PTGER3: variants seen among roughly 807,000 people sequenced by gnomAD.
PTGER3 encodes prostaglandin E2 receptor EP3 subtype.
A neutral mutation model predicts 34.7 loss-of-function variants in PTGER3; 22 were observed. The ratio of observed to expected loss-of-function variants is 0.63; its 90% CI spans 0.45 to 0.91. The LOEUF (loss-of-function observed/expected upper bound fraction) is 0.91. PTGER3 is among the 40% of genes least tolerant of loss of function. The pLI is 0.00. For synonymous variants in PTGER3, 241 were observed against 230.1 expected, an observed-to-expected ratio of 1.05 and a Z score of -0.43; for missense variants, 468 against 519.4, an observed-to-expected ratio of 0.90 and a Z score of 0.96.
At chr1:70,974,575 G>A (rs1279115110) in intron 2 of PTGER3, among the ~76,000 whole-genome samples, 187 bp from the exon 3 acceptor site, 2 of 152,038 alleles carry the variant, frequency 1.3e-5, no homozygotes, top group South Asian at 2.1e-4. Flanking sequence ...CTACACTTAC[G>A]CATCAAATAC....
At chr1:70,868,080 A>G (rs1335291073) in intron 4 of PTGER3, among the ~76,000 whole-genome samples, 2 of 152,160 alleles carry the variant, frequency 1.3e-5, no homozygotes, top group Non-Finnish European at 2.9e-5. Context: ...TATACCTTAG[A>G]TATACCATGC....
At chr1:70,913,047 T>A (rs1647094966) in intron 4 of PTGER3, among the ~76,000 whole-genome samples, 1 of 152,008 alleles carries the variant, frequency 6.6e-6, no homozygotes, top group Admixed American at 6.6e-5. Flanking sequence ...GGGATTTTGT[T>A]TTAAATTGCC....
At position 71,006,897 on chromosome 1, in the gene PTGER3, G is replaced by T. The variant is rs553531466; in HGVS notation, c.1077+5408C>A. The stretch of plus-strand genomic sequence containing the variant: ...AACTTTATTTTCCATTGACAAACAC[G>T]ACATAAATAACACACATTTATTAAA... On this transcript the variant is annotated intron_variant, in intron 2 of 3. Transcript: ENST00000306666. The T allele has an allele frequency of 1.1e-5, 11 of 985,166 alleles. No homozygotes were observed. The African/African-American group carries it at 1.4e-4, about 13-fold the overall frequency. The allele number at this position is 985,166 out of a possible 1,614,324, so 61.0% of individuals were successfully genotyped here. A position where few individuals can be genotyped will look rare whatever the true frequency, so the allele number is the denominator to read the frequency against.
At chr1:70,993,555 T>A (rs1655660238) in intron 2 of PTGER3, among the ~76,000 whole-genome samples, 1 of 152,088 alleles carries the variant, frequency 6.6e-6, no homozygotes, top group Non-Finnish European at 1.5e-5. Context: ...GAGGTGTAGG[T>A]GAAGAGGGTT....
intron 4 of PTGER3, among the ~76,000 whole-genome samples, chr1:70,936,081 T>G (rs1572695876): frequency 6.6e-6 from 1 of 152,150 alleles, no homozygotes; most frequent in East Asian, 1.9e-4. Flanking sequence ...AAAATTCATG[T>G]GAAATAATAC....
chr1:70,864,021 T>C (rs1645987389), intron 4 of PTGER3, among the ~76,000 whole-genome samples: 1 of 152,116 alleles, frequency 6.6e-6, no homozygotes, highest in South Asian at 2.1e-4. Context: ...GGGACGATCA[T>C]TCTTTACAGA....
intron 1 of PTGER3, among the ~76,000 whole-genome samples, chr1:71,039,825 G>A (rs1660149209): frequency 1.3e-5 from 2 of 152,104 alleles, no homozygotes; most frequent in South Asian, 2.1e-4. Context: ...CTAGGAGAAA[G>A]GTCTATCTCA....
intron 4 of PTGER3, among the ~76,000 whole-genome samples, chr1:70,919,587 A>G (rs1647331659): frequency 6.6e-6 from 1 of 152,182 alleles, no homozygotes; most frequent in Admixed American, 6.6e-5. Context: ...GGTAGCAAAC[A>G]TTGTGATGAT....
chr1:70,879,502 C>T (rs1476805230), intron 4 of PTGER3, among the ~76,000 whole-genome samples: 1 of 152,296 alleles, frequency 6.6e-6, no homozygotes, highest in Admixed American at 6.5e-5. Flanking sequence ...CCCACCTTGG[C>T]CTCCTAAAGT....
chr1:70,995,432 ACT>A lies in PTGER3; in HGVS notation c.1077+16871_1077+16872del, dbSNP rs1232885884. Among the ~76,000 whole-genome samples the A allele has an allele frequency of 2.6e-5, 4 of 152,262 alleles. No homozygotes were observed. The East Asian group carries it at 7.7e-4, about 29-fold the overall frequency. ...GCTCTTGAAATAGATAGTCTAGGAC[ACT>A]CTACTATCTCCACTATTCAAATGAG... On this transcript the variant is annotated intron_variant, in intron 2 of 3. Transcript: ENST00000306666.
chr1:70,895,627 G>A (rs781772981), intron 4 of PTGER3, among the ~76,000 whole-genome samples: 10 of 152,180 alleles, frequency 6.6e-5, no homozygotes, highest in Non-Finnish European at 1.3e-4. Flanking sequence ...TCCCTGATGT[G>A]AGATTTCACA....
chr1:70,993,393 G>T (rs1273703746), intron 2 of PTGER3, among the ~76,000 whole-genome samples: 1 of 152,196 alleles, frequency 6.6e-6, no homozygotes, highest in Non-Finnish European at 1.5e-5. Context: ...CACCCTAAAA[G>T]CTAGAGGAAT....
intron 1 of PTGER3, among the ~76,000 whole-genome samples, chr1:71,044,107 C>T (rs377554864): frequency 2.0e-5 from 3 of 150,952 alleles, no homozygotes; most frequent in Non-Finnish European, 3.0e-5. Context: ...TGAGCCACTG[C>T]GCCCAGCCGA....
intron 2 of PTGER3, among the ~76,000 whole-genome samples, chr1:70,980,278 G>T (rs1323112323): frequency 6.6e-6 from 1 of 152,108 alleles, no homozygotes; most frequent in Non-Finnish European, 1.5e-5. Context: ...GACATAGTTT[G>T]GGGGGATTGA....
At chr1:70,868,912 A>G (rs1200617370) in intron 4 of PTGER3, among the ~76,000 whole-genome samples, 1 of 152,136 alleles carries the variant, frequency 6.6e-6, no homozygotes, top group Non-Finnish European at 1.5e-5. Flanking sequence ...ACAAGAATGA[A>G]TGGGCCCAGC....
chr1:70,918,352 A>G (rs1480781512), intron 4 of PTGER3, among the ~76,000 whole-genome samples: 7 of 152,034 alleles, frequency 4.6e-5, no homozygotes, highest in African/African-American at 9.7e-5. Context: ...AATTTTTTTG[A>G]ATAAGATCTA....
chr1:70,973,746 C>T (rs1653387875), intron 3 of PTGER3, among the ~76,000 whole-genome samples: 2 of 152,048 alleles, frequency 1.3e-5, no homozygotes, highest in African/African-American at 2.4e-5. Flanking sequence ...ATTCAATTAG[C>T]CATTAATAGA....
At position 70,886,408 on chromosome 1, in the gene PTGER3, G is replaced by A. The variant is rs1348043343; in HGVS notation, c.*24-33549C>T. The A allele has an allele frequency of 8.3e-6, 3 of 360,560 alleles. No individual in the cohort carries two copies. In the East Asian group the frequency reaches 2.7e-4, roughly 32 times the overall value. 22.3% of individuals were successfully genotyped at this position (360,560 alleles called of 1,614,324 possible). A position where few individuals can be genotyped will look rare whatever the true frequency, so the allele number is the denominator to read the frequency against. On this transcript the variant is annotated intron_variant, in intron 4 of 4. Transcript: ENST00000370931. ...TAGCTTCCCAAACTGACCAAAACAG[G>A]GATACAATACCAATGGAGAGTAGTT...
chr1:70,901,668 A>C (rs1473358632), intron 4 of PTGER3, among the ~76,000 whole-genome samples: 1 of 152,196 alleles, frequency 6.6e-6, no homozygotes, highest in Non-Finnish European at 1.5e-5. Flanking sequence ...TATTTAATCT[A>C]GGAGATTCTG....
Sources: allele counts gnomAD v4.1 joint callset (sites outside exome capture counted in the v4.1 genomes callset), GRCh38; gene constraint gnomAD v4.1.1; transcripts MANE v1.5; gene names NCBI Gene and HGNC (gene_info 2026-07-23, HGNC 2026-07-21).